SMG6: variants seen among roughly 807,000 people sequenced by gnomAD.
The protein encoded by SMG6 is SMG6 nonsense mediated mRNA decay factor.
SMG6 carries 66 observed loss-of-function variants against 142.2 expected under a neutral mutation model. That is an observed-to-expected ratio of 0.46 (90% CI 0.38 to 0.57). The LOEUF is 0.57. Ranked by LOEUF, SMG6 falls within the 20% of genes least tolerant of loss-of-function variation. SMG6 has a pLI of 0.00. For synonymous variants in SMG6, 779 were observed against 702.4 expected (o/e 1.11, Z -1.72); for missense variants, 1,793 against 1,832.0 (o/e 0.98, Z 0.39).
chr17:2,078,173 T>C lies in SMG6; in HGVS notation c.3681+3637A>G, dbSNP rs1326398977. On this transcript the variant is annotated intron_variant, in intron 15 of 18. Coordinates refer to ENST00000263073, the MANE Select transcript of SMG6 (RefSeq NM_017575.5). ...CAGAAACAAGGCAAATGGCACCTTCTGGGGCTGTGCAATGCAGGGGCCTTG... is the reference window on the plus strand; with the variant it reads ...CAGAAACAAGGCAAATGGCACCTTCCGGGGCTGTGCAATGCAGGGGCCTTG... Among the ~76,000 whole-genome samples, 14 of 152,222 alleles carry C rather than the reference T, an allele frequency of 9.2e-5. No homozygotes were observed. The East Asian group carries it at 2.7e-3, about 29-fold the overall frequency.
At chr17:2,140,337 G>A (rs952605847) in intron 13 of SMG6, among the ~76,000 whole-genome samples, 7 of 152,222 alleles carry the variant, frequency 4.6e-5, no homozygotes, top group East Asian at 1.9e-4. Context: ...GGTTACAGGC[G>A]TAAGCCACTG....
At chr17:2,082,154 G>C in intron 14 of SMG6, 198 bp from the exon 15 acceptor site, 2 of 591,040 alleles carry the variant, frequency 3.4e-6, no homozygotes, top group Non-Finnish European at 6.0e-6. Flanking sequence ...CCCCGGAGCT[G>C]CTCTCTTTTA....
At chr17:2,077,188 C>T (rs773976749) in intron 15 of SMG6, among the ~76,000 whole-genome samples, 1 of 152,218 alleles carries the variant, frequency 6.6e-6, no homozygotes, top group Non-Finnish European at 1.5e-5. Context: ...CAGACACTGG[C>T]ACAGTAAATG....
intron 10 of SMG6, among the ~76,000 whole-genome samples, chr17:2,220,560 T>C (rs1413393608): frequency 2.0e-5 from 3 of 152,036 alleles, no homozygotes; most frequent in Non-Finnish European, 4.4e-5. Flanking sequence ...AGCCCAAGAG[T>C]TCGAGGCTGC....
chr17:2,280,667 G>A, intron 8 of SMG6: 1 of 789,614 alleles, frequency 1.3e-6, no homozygotes, highest in South Asian at 5.8e-5. Context: ...CAAGGATGAT[G>A]TACAAACTAA....
At chr17:2,063,634 TTTC>T (rs2067850547) in intron 18 of SMG6, among the ~76,000 whole-genome samples, 1 of 152,244 alleles carries the variant, frequency 6.6e-6, no homozygotes. Flanking sequence ...CCCGCCTACC[TTTC>T]TCTCAGGAGG....
chr17:2,085,260 G>A lies in SMG6; in HGVS notation c.3534+465C>T, dbSNP rs2068527121. ...TTCCTTAATCACATCAGGATGTGCA[G>A]GAGGGAGGGAGGGAACAAGGGAGGG... On this transcript the variant is annotated intron_variant, in intron 14 of 18. Coordinates refer to ENST00000263073, the MANE Select transcript of SMG6 (RefSeq NM_017575.5). This position sits in a 1 kb window ranked among gnomAD's most constrained non-coding sequence, Gnocchi z 4.1. Among the ~76,000 whole-genome samples the A allele has an allele frequency of 6.6e-6, 1 of 151,804 alleles. No homozygotes were observed. The highest frequency in any genetic ancestry group is 1.5e-5 in the Non-Finnish European group (1 of 67,952).
chr17:2,201,552 G>A (rs2072522886), intron 10 of SMG6, among the ~76,000 whole-genome samples: 1 of 151,674 alleles, frequency 6.6e-6, no homozygotes, highest in Non-Finnish European at 1.5e-5. Context: ...AAAATATTGG[G>A]CGTGGTGGCA....
chr17:2,061,753 T>A, intron 18 of SMG6, 131 bp from the exon 19 acceptor site: 2 of 1,065,036 alleles, frequency 1.9e-6, no homozygotes, highest in Non-Finnish European at 1.4e-6. Context: ...CTTCTACCAG[T>A]CCTTTCCTCC....
Position 2,088,218 on chromosome 17 carries a change from A to G in SMG6, c.3358-2317T>C, listed in dbSNP as rs575300602. 1.5e-5 allele frequency: 15 copies of G among 985,390 alleles called. No individual in the cohort carries two copies. In the African/African-American group the frequency reaches 2.6e-4, roughly 17 times the overall value. The allele number at this position is 985,390 out of a possible 1,614,324, so 61.0% of individuals were successfully genotyped here. A position where few individuals can be genotyped will look rare whatever the true frequency, so the allele number is the denominator to read the frequency against. On this transcript the variant is annotated intron_variant, in intron 13 of 18. Transcript: ENST00000263073. ...TTGCTGCTGCTAGAGCACGGGCTACATGGTATGCTGCGTGGCTAAGAAAGC... is the reference window on the plus strand; with the variant it reads ...TTGCTGCTGCTAGAGCACGGGCTACGTGGTATGCTGCGTGGCTAAGAAAGC...
intron 12 of SMG6, among the ~76,000 whole-genome samples, chr17:2,183,777 C>T (rs2071880749): frequency 9.6e-6 from 1 of 104,294 alleles, no homozygotes; most frequent in African/African-American, 4.1e-5. Flanking sequence ...CACACACACA[C>T]ACACACACAC....
At chr17:2,154,277 G>A (rs542427897) in intron 13 of SMG6, among the ~76,000 whole-genome samples, 1 of 150,236 alleles carries the variant, frequency 6.7e-6, no homozygotes, top group South Asian at 2.1e-4. Flanking sequence ...GGAAACCTGG[G>A]GATGCATCTA....
intron 6 of SMG6, among the ~76,000 whole-genome samples, chr17:2,290,518 C>G (rs749548328): frequency 4.6e-5 from 7 of 152,150 alleles, no homozygotes; most frequent in Non-Finnish European, 8.8e-5. Flanking sequence ...TAGAAAATAA[C>G]ACAACATTAA....
At chr17:2,219,968 C>G (rs1445286279) in intron 10 of SMG6, among the ~76,000 whole-genome samples, 2 of 152,156 alleles carry the variant, frequency 1.3e-5, no homozygotes, top group Non-Finnish European at 2.9e-5. Flanking sequence ...GTTTCCTAGG[C>G]TGGAATGCAA....
intron 16 of SMG6, among the ~76,000 whole-genome samples, chr17:2,066,297 CGT>C (rs201033047): frequency 3.3e-5 from 5 of 150,572 alleles, no homozygotes; most frequent in African/African-American, 9.9e-5. Flanking sequence ...TGTCTGTGTG[CGT>C]GTGTACATGT....
At chr17:2,099,068 T>C (rs2068936877) in intron 13 of SMG6, among the ~76,000 whole-genome samples, 1 of 152,184 alleles carries the variant, frequency 6.6e-6, no homozygotes, top group East Asian at 1.9e-4. Flanking sequence ...GTGCTTAAAA[T>C]AAAATCTATC....
chr17:2,192,610 AC>A (rs1211169818), intron 10 of SMG6, among the ~76,000 whole-genome samples: 1 of 152,112 alleles, frequency 6.6e-6, no homozygotes, highest in East Asian at 1.9e-4. Flanking sequence ...ATGGTCAGTC[AC>A]CTCCAAACTA....
At chr17:2,201,721 A>G (rs1480732543) in intron 10 of SMG6, among the ~76,000 whole-genome samples, 2 of 151,746 alleles carry the variant, frequency 1.3e-5, no homozygotes, top group East Asian at 3.9e-4. Context: ...CTTTGGCAGT[A>G]TCTTAAAAAG....
chr17:2,165,999 G>A (rs1435694624), intron 13 of SMG6, among the ~76,000 whole-genome samples: 1 of 152,138 alleles, frequency 6.6e-6, no homozygotes. Context: ...ATCACTTGAT[G>A]TCAGGAGTCT....
Sources: allele counts gnomAD v4.1 joint callset (sites outside exome capture counted in the v4.1 genomes callset), GRCh38; gene constraint gnomAD v4.1.1; non-coding constraint Gnocchi (gnomAD v3.1); transcripts MANE v1.5; gene names NCBI Gene and HGNC (gene_info 2026-07-23, HGNC 2026-07-21).